Variants in NFIX observed in about 807,000 individuals in gnomAD.
NFIX encodes nuclear factor I X, also known as nuclear factor 1 X-type.
Under a neutral mutation model 53.3 loss-of-function variants are expected in NFIX, and 2 were observed. The ratio of observed to expected loss-of-function variants is 0.04; its 90% CI spans 0.02 to 0.12. The LOEUF (loss-of-function observed/expected upper bound fraction) is 0.12. Among genes scored for constraint, NFIX ranks in the 10% least tolerant of loss-of-function variants. The pLI, the probability that NFIX is intolerant of heterozygous loss-of-function variation, is 1.00. For missense variants in NFIX, 310 were observed against 674.5 expected, an observed-to-expected ratio of 0.46 and a Z score of 5.99; for synonymous variants, 244 against 289.0, an observed-to-expected ratio of 0.84 and a Z score of 1.58.
At position 13,068,164 on chromosome 19, in the gene NFIX, G is replaced by A. The variant is rs2016547519; in HGVS notation, c.560-4883G>A. ...ACATGCTGTCAGTTGGAGTTTATGT[G>A]CAATCCCAGGCTCCTCCTGGCTGCT... On this transcript the variant is annotated intron_variant, in intron 2 of 10. Transcript: ENST00000592199. This position sits in a 1 kb window ranked among gnomAD's most constrained non-coding sequence, Gnocchi z 4.2. 6.6e-6 allele frequency among the ~76,000 whole-genome samples: 1 copy of A among 152,114 alleles called. No homozygotes were observed. Among genetic ancestry groups the A allele is most frequent in the Admixed American group, 6.5e-5 (1 of 15,278 alleles).
rs1378204975 is a variant in NFIX, at chr19:13,068,072, TC to T, written c.560-4973del. ...GTGAGCCGAGATCGCACCACTGCAC[TC>T]CAGCCTGGGTGACAGAGCAAGACTC... On this transcript the variant is annotated intron_variant, in intron 2 of 10. Coordinates refer to ENST00000592199, the MANE Select transcript of NFIX (RefSeq NM_001365902.3). This position sits in a 1 kb window ranked among gnomAD's most constrained non-coding sequence, Gnocchi z 4.2. Among the ~76,000 whole-genome samples, 1 of 151,350 alleles carries T rather than the reference TC, an allele frequency of 6.6e-6. No individual in the cohort carries two copies. Among genetic ancestry groups the T allele is most frequent in the Non-Finnish European group, 1.5e-5 (1 of 67,856 alleles).
chr19:13,025,427 C>T lies in NFIX; in HGVS notation c.434C>T (p.Thr145Ile). 3.7e-6 allele frequency: 6 copies of T among 1,614,082 alleles called. No individual in the cohort carries two copies. Among genetic ancestry groups the T allele is most frequent in the Non-Finnish European group, 5.1e-6 (6 of 1,179,922 alleles). ...ILFKGIPLESTDGERLYKSPQ... is the reference protein window; with the variant it reads ...ILFKGIPLESIDGERLYKSPQ... The stretch of plus-strand genomic sequence containing the variant: ...TTTAAGGGGATCCCCCTGGAAAGTA[C>T]TGATGGGGAGCGGCTCTACAAGTCG... Residue 145 changes from threonine (T) to isoleucine (I), a missense_variant, in exon 2 of 11, where the codon ACT becomes ATT. By Grantham distance (89) the Thr-to-Ile change is moderately conservative (BLOSUM62 -1). Transcript: ENST00000592199. This position sits in a 1 kb window ranked among gnomAD's most constrained non-coding sequence, Gnocchi z 7.5.
At position 13,051,858 on chromosome 19, in the gene NFIX, G is replaced by A. The variant is rs542801294; in HGVS notation, c.560-21189G>A. On this transcript the variant is annotated intron_variant, in intron 2 of 10. Coordinates refer to ENST00000592199, the MANE Select transcript of NFIX (RefSeq NM_001365902.3). This position sits in a 1 kb window ranked among gnomAD's most constrained non-coding sequence, Gnocchi z 5.1. ...GCCTTAGCAGGTGCCTGGAGGGGGC[G>A]GGGCGGCTCCCGGGAGCAGCCGGGC... is the stretch of plus-strand genomic sequence containing the variant. Among the ~76,000 whole-genome samples the A allele has an allele frequency of 6.6e-6, 1 of 152,310 alleles. No individual in the cohort carries two copies. The highest frequency in any genetic ancestry group is 2.1e-4 in the South Asian group (1 of 4,828).
intron 8 of NFIX, among the ~76,000 whole-genome samples, chr19:13,086,938 C>T (rs10402645): frequency 0.051 from 7,844 of 152,316 alleles, 658 homozygotes; most frequent in African/African-American, 0.17. Flanking sequence ...GAGCACACAG[C>T]ATCCTCTCTG....
rs1295315035 is a variant in NFIX, at chr19:13,027,867, G to A, written c.559+2315G>A. Among the ~76,000 whole-genome samples, 1 of 152,214 alleles carries A rather than the reference G, an allele frequency of 6.6e-6. No homozygotes were observed. The highest frequency in any genetic ancestry group is 1.5e-5 in the Non-Finnish European group (1 of 68,040). ...AGTCTCCTCTACAAAAGCAGAGTAG[G>A]GAACTAAGGGTGTATTTTATATCAT... is the stretch of plus-strand genomic sequence containing the variant. On this transcript the variant is annotated intron_variant, in intron 2 of 10. Transcript: ENST00000592199. This position sits in a 1 kb window ranked among gnomAD's most constrained non-coding sequence, Gnocchi z 4.3.
rs1299613749 is a variant in NFIX, at chr19:13,090,315, C to G, written c.1419C>G (p.Gly473=). The G allele has an allele frequency of 1.9e-6, 3 of 1,613,968 alleles. No individual in the cohort carries two copies. In the African/African-American group the frequency reaches 4.0e-5, roughly 22 times the overall value. ...TPPSPSFATT[G]ASSANRFVSI... is the part of the protein sequence containing the mutation. ...TCCCCACAGCATTCGCAACGACAGG[C>G]GCCTCCTCTGCCAACCGGTTTGTCA... is the stretch of plus-strand genomic sequence containing the variant. Residue 473 remains glycine, a synonymous_variant, in exon 10 of 11, where the codon GGC becomes GGG. Transcript: ENST00000592199. The surrounding 1 kb of genome is among the most constrained non-coding windows in gnomAD (Gnocchi z 6.6).
In NFIX at chr19:13,074,720, A is replaced by T. The variant is rs371002279; in HGVS notation, c.818+694A>T. ...TCCACTCCACTTTTTTTTTTTTTTT[A>T]AAACGGGTGTTTATATTAATTGCGA... On this transcript the variant is annotated intron_variant, in intron 5 of 10. Coordinates refer to ENST00000592199, the MANE Select transcript of NFIX (RefSeq NM_001365902.3). Among the ~76,000 whole-genome samples, 86 of 147,488 alleles carry T rather than the reference A, an allele frequency of 5.8e-4. 1 individual carries two copies. Among genetic ancestry groups the T allele is most frequent in the South Asian group, 1.1e-3 (5 of 4,646 alleles).
In NFIX at chr19:12,995,852, C is replaced by A; in HGVS notation, c.15C>A (p.Tyr5Ter). 1.0e-6 allele frequency: 1 copy of A among 989,244 alleles called. No homozygotes were observed. The highest frequency in any genetic ancestry group is 1.2e-6 in the Non-Finnish European group (1 of 833,786). 61.3% of individuals were successfully genotyped at this position (989,244 alleles called of 1,614,324 possible). The stretch of plus-strand genomic sequence containing the variant: ...GGCGCCCAGCTATGTACTCCCCGTA[C>A]TGCCTCACCCAGGTACCGGCCGCCG... MYSP[Y>*]CLTQDEFHPF... The change falls in exon 1 of 11, where the codon TAC becomes TAA. Residue 5 changes from tyrosine to a stop codon, truncating the protein, a stop_gained. Coordinates refer to ENST00000592199, the MANE Select transcript of NFIX (RefSeq NM_001365902.3). LOFTEE classifies it high-confidence loss of function.
rs959753075 is a variant in NFIX at position 13,012,800 on chromosome 19, A to T, written c.28-12221A>T. 5.3e-5 allele frequency among the ~76,000 whole-genome samples: 8 copies of T among 152,050 alleles called. No individual in the cohort carries two copies. Among genetic ancestry groups the T allele is most frequent in the African/African-American group, 1.9e-4 (8 of 41,402 alleles). On this transcript the variant is annotated intron_variant, in intron 1 of 10. Transcript: ENST00000592199. This position sits in a 1 kb window ranked among gnomAD's most constrained non-coding sequence, Gnocchi z 5.0. ...GCTTGGGGGCGTCCCTTCGGAGAGG[A>T]TCTCTCCGCGTCGCATAGTGAGCGT...
At position 13,060,056 on chromosome 19, in the gene NFIX, G is replaced by A. The variant is rs1196777291; in HGVS notation, c.560-12991G>A. On this transcript the variant is annotated intron_variant, in intron 2 of 10. Transcript: ENST00000592199. This position sits in a 1 kb window ranked among gnomAD's most constrained non-coding sequence, Gnocchi z 4.3. The stretch of plus-strand genomic sequence containing the variant: ...ACTCGCCTCAGCCTCTCAAAGTGCT[G>A]AGATTACAGGCATGAGCCACCGCAC... 6.6e-6 allele frequency among the ~76,000 whole-genome samples: 1 copy of A among 152,184 alleles called. No homozygotes were observed. The highest frequency in any genetic ancestry group is 2.4e-5 in the African/African-American group (1 of 41,452).
intron 6 of NFIX, among the ~76,000 whole-genome samples, chr19:13,075,903 C>T (rs1322201513): frequency 2.0e-5 from 3 of 152,112 alleles, no homozygotes; most frequent in African/African-American, 4.8e-5. Flanking sequence ...CGTGGTATGG[C>T]GGTGGGAAGC....
chr19:13,078,372 C>G lies in NFIX; in HGVS notation c.956-241C>G, dbSNP rs1000966535. On this transcript the variant is annotated intron_variant, in intron 6 of 10. Coordinates refer to ENST00000592199, the MANE Select transcript of NFIX (RefSeq NM_001365902.3). The surrounding 1 kb of genome is among the most constrained non-coding windows in gnomAD (Gnocchi z 4.7). ...CTGGCACACACCACCCCACATTACC[C>G]AGGGGCCTCGTTTTCCTCTCTGGTT... 6.6e-6 allele frequency among the ~76,000 whole-genome samples: 1 copy of G among 152,232 alleles called. No homozygotes were observed. Among genetic ancestry groups the G allele is most frequent in the Non-Finnish European group, 1.5e-5 (1 of 68,042 alleles).
In NFIX at chr19:13,013,689, T is replaced by C. The variant is rs1020591024; in HGVS notation, c.28-11332T>C. 6.6e-6 allele frequency: 1 copy of C among 152,190 alleles called. No individual in the cohort carries two copies. The highest frequency in any genetic ancestry group is 6.5e-5 in the Admixed American group (1 of 15,284). The allele number at this position is 152,190 out of a possible 1,614,324, so 9.4% of individuals were successfully genotyped here. On this transcript the variant is annotated intron_variant, in intron 1 of 10. Coordinates refer to ENST00000592199, the MANE Select transcript of NFIX (RefSeq NM_001365902.3). This position sits in a 1 kb window ranked among gnomAD's most constrained non-coding sequence, Gnocchi z 5.9. The stretch of plus-strand genomic sequence containing the variant: ...ATTTAAAGGAGTTTTATTACTTCTT[T>C]TTTTTTTATAAAGCATGTGAGACAG...
In NFIX at chr19:13,002,693, T is replaced by C. The variant is rs1036088738; in HGVS notation, c.27+6829T>C. Among the ~76,000 whole-genome samples, 3 of 152,168 alleles carry C rather than the reference T, an allele frequency of 2.0e-5. No homozygotes were observed. Among genetic ancestry groups the C allele is most frequent in the Admixed American group, 6.5e-5 (1 of 15,288 alleles). ...CGTTTGCCACCACTACCGATGTGGC[T>C]GCGCCAGCCAGGGAGGGGAGGCGGG... On this transcript the variant is annotated intron_variant, in intron 1 of 10. Transcript: ENST00000592199. This position sits in a 1 kb window ranked among gnomAD's most constrained non-coding sequence, Gnocchi z 6.1.
At position 13,088,859 on chromosome 19, in the gene NFIX, T is replaced by C. The variant is rs1047494922; in HGVS notation, c.1402+723T>C. On this transcript the variant is annotated intron_variant, in intron 9 of 10. Transcript: ENST00000592199. This position sits in a 1 kb window ranked among gnomAD's most constrained non-coding sequence, Gnocchi z 5.9. ...TCTTTCTTTTCTTTTCTTTTCTTTT[T>C]TTTTCCTCTTAAACCAATGACAAAT... is the stretch of plus-strand genomic sequence containing the variant. Among the ~76,000 whole-genome samples, 24 of 152,130 alleles carry C rather than the reference T, an allele frequency of 1.6e-4. No individual in the cohort carries two copies. Among genetic ancestry groups the C allele is most frequent in the African/African-American group, 5.8e-4 (24 of 41,420 alleles).
rs8103241 is a variant in NFIX, at chr19:13,011,798, A to G, written c.28-13223A>G. 0.45 allele frequency among the ~76,000 whole-genome samples: 68,912 copies of G among 151,882 alleles called. 15,920 individuals are homozygous for G. Among genetic ancestry groups the G allele is most frequent in the East Asian group, 0.63 (3,232 of 5,128 alleles). On this transcript the variant is annotated intron_variant, in intron 1 of 10. Coordinates refer to ENST00000592199, the MANE Select transcript of NFIX (RefSeq NM_001365902.3). This position sits in a 1 kb window ranked among gnomAD's most constrained non-coding sequence, Gnocchi z 6.5. ...CCCTCGACAGGTGCCCGTCGCCCACAGGCTCCTTTCATTGTAGCCTCCCTG... is the reference window on the plus strand; with the variant it reads ...CCCTCGACAGGTGCCCGTCGCCCACGGGCTCCTTTCATTGTAGCCTCCCTG...
chr19:13,030,864 T>G (rs1026338474), intron 2 of NFIX, among the ~76,000 whole-genome samples: 1 of 152,192 alleles, frequency 6.6e-6, no homozygotes, highest in Non-Finnish European at 1.5e-5. Flanking sequence ...GTTCAAAATT[T>G]TTAGGAATTA....
rs2014297948 is a variant in NFIX at position 13,037,637 on chromosome 19, C to T, written c.559+12085C>T. Reference sequence around the variant, plus strand: ...GGGGATTGGAAGAAGGCTGGATGACCAACTCGTCCTGGTTTGCTCAGAGTT... The same window carrying T: ...GGGGATTGGAAGAAGGCTGGATGACTAACTCGTCCTGGTTTGCTCAGAGTT... On this transcript the variant is annotated intron_variant, in intron 2 of 10. Coordinates refer to ENST00000592199, the MANE Select transcript of NFIX (RefSeq NM_001365902.3). This position sits in a 1 kb window ranked among gnomAD's most constrained non-coding sequence, Gnocchi z 4.2. 6.6e-6 allele frequency among the ~76,000 whole-genome samples: 1 copy of T among 152,140 alleles called. No individual in the cohort carries two copies. The highest frequency in any genetic ancestry group is 2.1e-4 in the South Asian group (1 of 4,828).
At position 13,036,601 on chromosome 19, in the gene NFIX, C is replaced by G. The variant is rs2145244319; in HGVS notation, c.559+11049C>G. On this transcript the variant is annotated intron_variant, in intron 2 of 10. Coordinates refer to ENST00000592199, the MANE Select transcript of NFIX (RefSeq NM_001365902.3). This position sits in a 1 kb window ranked among gnomAD's most constrained non-coding sequence, Gnocchi z 4.7. Reference sequence around the variant, plus strand: ...CTGCAGGAGGCCAGCCGAGTGCAGCCCTTGGGGAGTGTGTCCTTATTATGC... The same window carrying G: ...CTGCAGGAGGCCAGCCGAGTGCAGCGCTTGGGGAGTGTGTCCTTATTATGC... Among the ~76,000 whole-genome samples, 1 of 152,232 alleles carries G rather than the reference C, an allele frequency of 6.6e-6. No individual in the cohort carries two copies. Among genetic ancestry groups the G allele is most frequent in the Admixed American group, 6.5e-5 (1 of 15,298 alleles).
Sources: allele counts gnomAD v4.1 joint callset (sites outside exome capture counted in the v4.1 genomes callset), GRCh38; gene constraint gnomAD v4.1.1; non-coding constraint Gnocchi (gnomAD v3.1); transcripts MANE v1.5; gene names NCBI Gene and HGNC (gene_info 2026-07-23, HGNC 2026-07-21).